Variants in SEPTIN9 observed in about 807,000 individuals in gnomAD.
SEPTIN9 encodes the protein septin-9.
SEPTIN9 carries 13 observed loss-of-function variants against 56.6 expected under a neutral mutation model. That is an observed-to-expected ratio of 0.23 (90% CI 0.15 to 0.37). SEPTIN9 has a LOEUF of 0.37. SEPTIN9 is among the 10% of genes least tolerant of loss of function. The pLI is 1.00. For missense variants in SEPTIN9, 650 were observed against 823.1 expected (o/e 0.79, Z 2.57); for synonymous variants, 332 against 334.1 (o/e 0.99, Z 0.07).
chr17:77,323,267 G>A lies in SEPTIN9; in HGVS notation c.76+16070G>A, dbSNP rs758557013. On this transcript the variant is annotated intron_variant, in intron 2 of 11. Coordinates refer to ENST00000427177, the MANE Select transcript of SEPTIN9 (RefSeq NM_001113491.2). This position sits in a 1 kb window ranked among gnomAD's most constrained non-coding sequence, Gnocchi z 6.8. ...ATGAGTCATGGAGTGGTGACTGGCC[G>A]CTGAGGCATGGAAGGCCACTCCTTC... is the stretch of plus-strand genomic sequence containing the variant. 5.3e-5 allele frequency among the ~76,000 whole-genome samples: 8 copies of A among 152,152 alleles called. No homozygotes were observed. The highest frequency in any genetic ancestry group is 8.8e-5 in the Non-Finnish European group (6 of 68,018).
At chr17:77,426,644 G>GC (rs1479031459) in intron 3 of SEPTIN9, among the ~76,000 whole-genome samples, 1 of 152,162 alleles carries the variant, frequency 6.6e-6, no homozygotes, top group African/African-American at 2.4e-5. Flanking sequence ...CCTCCTGGCC[G>GC]CCTCATTCAG....
chr17:77,458,299 G>A (rs1206053858), intron 3 of SEPTIN9, among the ~76,000 whole-genome samples: 2 of 152,196 alleles, frequency 1.3e-5, no homozygotes, highest in Non-Finnish European at 1.5e-5. Flanking sequence ...CCAGGGCGGG[G>A]TCCCAAGGTG....
Position 77,475,262 on chromosome 17 carries a change from C to T in SEPTIN9, c.722-6882C>T. On this transcript the variant is annotated intron_variant, in intron 3 of 11. Coordinates refer to ENST00000427177, the MANE Select transcript of SEPTIN9 (RefSeq NM_001113491.2). This position sits in a 1 kb window ranked among gnomAD's most constrained non-coding sequence, Gnocchi z 4.6. Reference sequence around the variant, plus strand: ...TTATTCAGTTACCATCGTGGGGAGACTGTCTGGACGCAGAGAGCAGGCTCT... The same window carrying T: ...TTATTCAGTTACCATCGTGGGGAGATTGTCTGGACGCAGAGAGCAGGCTCT... 7.2e-7 allele frequency: 1 copy of T among 1,383,552 alleles called. No individual in the cohort carries two copies. Among genetic ancestry groups the T allele is most frequent in the Non-Finnish European group, 9.3e-7 (1 of 1,070,326 alleles). The allele number at this position is 1,383,552 out of a possible 1,614,324, so 85.7% of individuals were successfully genotyped here. A position where few individuals can be genotyped will look rare whatever the true frequency, so the allele number is the denominator to read the frequency against.
rs190281021 is a variant in SEPTIN9 at position 77,308,189 on chromosome 17, A to G, written c.76+992A>G. Among the ~76,000 whole-genome samples, 177 of 152,228 alleles carry G rather than the reference A, an allele frequency of 1.2e-3. 1 individual carries two copies. Among genetic ancestry groups the G allele is most frequent in the African/African-American group, 4.0e-3 (168 of 41,544 alleles). On this transcript the variant is annotated intron_variant, in intron 2 of 11. Transcript: ENST00000427177. ...GTGCTGGGGGCCAACTGGGTGCCAGACCCCTGGCTGCCATCATGGTGGCAG... is the reference window on the plus strand; with the variant it reads ...GTGCTGGGGGCCAACTGGGTGCCAGGCCCCTGGCTGCCATCATGGTGGCAG...
chr17:77,488,376 C>T, intron 6 of SEPTIN9, 55 bp downstream of exon 6: 1 of 1,500,432 alleles, frequency 6.7e-7, no homozygotes, highest in Non-Finnish European at 9.3e-7. Flanking sequence ...CTCCCTGGAC[C>T]CCACCCAGAG....
chr17:77,308,265 T>G (rs748749140), intron 2 of SEPTIN9, among the ~76,000 whole-genome samples: 12 of 152,128 alleles, frequency 7.9e-5, no homozygotes, highest in Non-Finnish European at 1.5e-4. Context: ...GGAGACAAAG[T>G]TACCAAAGGA....
At chr17:77,325,071 G>C (rs906556497) in intron 2 of SEPTIN9, among the ~76,000 whole-genome samples, 29 of 152,020 alleles carry the variant, frequency 1.9e-4, no homozygotes, top group Admixed American at 1.5e-3. Flanking sequence ...CACCCGTCTC[G>C]GCCTCCCAAA....
At chr17:77,477,738 C>G (rs2039280391) in intron 3 of SEPTIN9, among the ~76,000 whole-genome samples, 1 of 152,164 alleles carries the variant, frequency 6.6e-6, no homozygotes, top group South Asian at 2.1e-4. Flanking sequence ...AGCCAGAAAC[C>G]AGAGCCTGAG....
rs78588174 is a variant in SEPTIN9 at position 77,429,843 on chromosome 17, C to T, written c.721+27140C>T. Among the ~76,000 whole-genome samples, 4 of 152,280 alleles carry T rather than the reference C, an allele frequency of 2.6e-5. No individual in the cohort carries two copies. The highest frequency in any genetic ancestry group is 6.5e-5 in the Admixed American group (1 of 15,298). ...AACACAGCGGATGGGGCAGATGTTGCGAAACCTGTCTCTCTGCCTCTCTTT... is the reference window on the plus strand; with the variant it reads ...AACACAGCGGATGGGGCAGATGTTGTGAAACCTGTCTCTCTGCCTCTCTTT... On this transcript the variant is annotated intron_variant, in intron 3 of 11. Transcript: ENST00000427177. The surrounding 1 kb of genome is among the most constrained non-coding windows in gnomAD (Gnocchi z 5.2).
chr17:77,287,810 A>G (rs965319312), intron 1 of SEPTIN9: 5 of 894,274 alleles, frequency 5.6e-6, no homozygotes, highest in Middle Eastern at 5.3e-4. Context: ...TCTCCAAAGC[A>G]TGACTGTTGG....
chr17:77,339,957 C>A (rs536096988), intron 2 of SEPTIN9, among the ~76,000 whole-genome samples: 17 of 151,944 alleles, frequency 1.1e-4, no homozygotes, highest in African/African-American at 3.6e-4. Context: ...TCCTGAGTAG[C>A]TGGGACTGCA....
At chr17:77,373,428 AGGGCCCGGGCCCCGCC>A (rs1555653779) in intron 2 of SEPTIN9, 9 of 1,368,766 alleles carry the variant, frequency 6.6e-6, no homozygotes, top group Non-Finnish European at 8.5e-6. Context: ...GCCAGCGCGC[AGGGCCCGGGCCCCGCC>A]GGGGGCGCTT....
chr17:77,500,217 C>T lies in SEPTIN9; in HGVS notation c.*1559C>T, dbSNP rs1236907475. 2 of 232,370 alleles carry T rather than the reference C, an allele frequency of 8.6e-6. No individual in the cohort carries two copies. The highest frequency in any genetic ancestry group is 1.7e-5 in the Non-Finnish European group (2 of 117,306). 14.4% of individuals were successfully genotyped at this position (232,370 alleles called of 1,614,324 possible). ...GTTGGGGCACTGGGCGTCTGACTCC[C>T]TCCCCACCCAAGAGAGGAAGGACCC... On this transcript the variant is annotated 3_prime_UTR_variant, in exon 12 of 12. Transcript: ENST00000427177.
chr17:77,320,139 A>G (rs2032854111), intron 2 of SEPTIN9: 1 of 1,497,006 alleles, frequency 6.7e-7, no homozygotes, highest in African/African-American at 1.4e-5. Flanking sequence ...AGCACATGGA[A>G]ATGTGGTAAT....
rs1285200310 is a variant in SEPTIN9 at position 77,437,465 on chromosome 17, G to C, written c.721+34762G>C. 6.6e-6 allele frequency among the ~76,000 whole-genome samples: 1 copy of C among 152,068 alleles called. No homozygotes were observed. Among genetic ancestry groups the C allele is most frequent in the Non-Finnish European group, 1.5e-5 (1 of 68,014 alleles). On this transcript the variant is annotated intron_variant, in intron 3 of 11. Transcript: ENST00000427177. The surrounding 1 kb of genome is among the most constrained non-coding windows in gnomAD (Gnocchi z 5.3). The stretch of plus-strand genomic sequence containing the variant: ...ATGTAACCAACTCTCTCACGGAGAA[G>C]CCAGGGGATGGCTCTCAGTACTCTC...
In SEPTIN9 at chr17:77,425,507, G is replaced by A. The variant is rs1055438211; in HGVS notation, c.721+22804G>A. On this transcript the variant is annotated intron_variant, in intron 3 of 11. Transcript: ENST00000427177. This position sits in a 1 kb window ranked among gnomAD's most constrained non-coding sequence, Gnocchi z 4.2. Reference sequence around the variant, plus strand: ...TGGTCATGGGGACGCTGCCTGGGGGGGGTTCCCTTACATGGAAGGAGCTGC... The same window carrying A: ...TGGTCATGGGGACGCTGCCTGGGGGAGGTTCCCTTACATGGAAGGAGCTGC... Among the ~76,000 whole-genome samples, 6 of 152,288 alleles carry A rather than the reference G, an allele frequency of 3.9e-5. No individual in the cohort carries two copies. Among genetic ancestry groups the A allele is most frequent in the African/African-American group, 1.2e-4 (5 of 41,564 alleles).
intron 3 of SEPTIN9, among the ~76,000 whole-genome samples, chr17:77,452,277 T>C (rs1329864294): frequency 6.6e-6 from 1 of 150,514 alleles, no homozygotes; most frequent in Non-Finnish European, 1.5e-5. Flanking sequence ...CTTTTCATGC[T>C]GGGAGAACCC....
intron 10 of SEPTIN9, among the ~76,000 whole-genome samples, chr17:77,496,771 CCT>C (rs1331009931): frequency 2.6e-5 from 4 of 152,208 alleles, no homozygotes; most frequent in African/African-American, 7.2e-5. Context: ...GTACGTAGCC[CCT>C]GTGTGTGTCC....
chr17:77,498,746 G>A lies in SEPTIN9; in HGVS notation c.*88G>A. On this transcript the variant is annotated 3_prime_UTR_variant, in exon 12 of 12. Transcript: ENST00000427177. ...CCCACCACCCCATTTTATTTTATAT[G>A]ATTTTCTCCATTTGTCATCGTTCCC... 1.4e-6 allele frequency: 1 copy of A among 724,082 alleles called. No individual in the cohort carries two copies. The highest frequency in any genetic ancestry group is 2.2e-5 in the African/African-American group (1 of 44,524). The allele number at this position is 724,082 out of a possible 1,614,324, so 44.9% of individuals were successfully genotyped here. A position where few individuals can be genotyped will look rare whatever the true frequency, so the allele number is the denominator to read the frequency against.
Sources: allele counts gnomAD v4.1 joint callset (sites outside exome capture counted in the v4.1 genomes callset), GRCh38; gene constraint gnomAD v4.1.1; non-coding constraint Gnocchi (gnomAD v3.1); transcripts MANE v1.5; gene names NCBI Gene and HGNC (gene_info 2026-07-23, HGNC 2026-07-21).